Variants in ADCY1 observed in about 807,000 individuals in gnomAD.
The protein encoded by ADCY1 is adenylate cyclase type 1.
ADCY1 carries 28 observed loss-of-function variants against 105.4 expected under a neutral mutation model. The ratio of observed to expected loss-of-function variants is 0.27; its 90% CI spans 0.20 to 0.36. The LOEUF (loss-of-function observed/expected upper bound fraction) is 0.36, where lower values mean the gene tolerates loss of function less well. Among genes scored for constraint, ADCY1 ranks in the 10% least tolerant of loss-of-function variants. ADCY1 has a pLI of 1.00. For missense variants in ADCY1, 977 were observed against 1,434.2 expected, an observed-to-expected ratio of 0.68 and a Z score of 5.15; for synonymous variants, 655 against 623.8, an observed-to-expected ratio of 1.05 and a Z score of -0.75.
chr7:45,663,797 T>C (rs1336671157), intron 8 of ADCY1, among the ~76,000 whole-genome samples: 1 of 151,298 alleles, frequency 6.6e-6, no homozygotes, highest in Admixed American at 6.6e-5. Context: ...CCAGCCTGGA[T>C]GGCAGAGTGA....
chr7:45,679,692 T>C lies in ADCY1; in HGVS notation c.1899-17T>C, dbSNP rs950555737. ...AATCCCCACCTATCAGTGACTCTCA[T>C]GTTTTCTGTCCCCCAGGAGTGTGGT... On this transcript the variant is annotated splice_polypyrimidine_tract_variant and intron_variant, in intron 10 of 19. Coordinates refer to ENST00000297323, the MANE Select transcript of ADCY1 (RefSeq NM_021116.4). The C allele has an allele frequency of 7.4e-6, 12 of 1,613,904 alleles. No individual in the cohort carries two copies. The African/African-American group carries it at 1.3e-4, about 18-fold the overall frequency.
intron 6 of ADCY1, 25 bp downstream of exon 6, chr7:45,657,910 G>A: frequency 6.4e-7 from 1 of 1,557,006 alleles, no homozygotes; most frequent in Non-Finnish European, 8.8e-7. Flanking sequence ...GGGTGGGGAG[G>A]GGAGGGAGGT....
In ADCY1 at chr7:45,575,324, TC is replaced by T; in HGVS notation, c.639+144del. The T allele has an allele frequency of 9.1e-7, 1 of 1,104,722 alleles. No individual in the cohort carries two copies. Among genetic ancestry groups the T allele is most frequent in the Non-Finnish European group, 1.2e-6 (1 of 800,494 alleles). 68.4% of individuals were successfully genotyped at this position (1,104,722 alleles called of 1,614,324 possible). On this transcript the variant is annotated intron_variant, in intron 1 of 19. Transcript: ENST00000297323. This position sits in a 1 kb window ranked among gnomAD's most constrained non-coding sequence, Gnocchi z 4.7. ...CGAGTGGGGGTGTGTTCAAGGTCAC[TC>T]CTACGAGTTGGGGACGCAGTCGGGG... is the stretch of plus-strand genomic sequence containing the variant.
In ADCY1 at chr7:45,687,964, G is replaced by A. The variant is rs536522437; in HGVS notation, c.2454+1291G>A. Among the ~76,000 whole-genome samples, 32 of 152,346 alleles carry A rather than the reference G, an allele frequency of 2.1e-4. No individual in the cohort carries two copies. In the South Asian group the frequency reaches 6.2e-3, roughly 30 times the overall value. ...ACCAGACAGGCACAGCCCAGAGGGTGCCCAGGAGGAAGCGTGGCCAGGACC... is the reference window on the plus strand; with the variant it reads ...ACCAGACAGGCACAGCCCAGAGGGTACCCAGGAGGAAGCGTGGCCAGGACC... On this transcript the variant is annotated intron_variant, in intron 14 of 19. Transcript: ENST00000297323.
chr7:45,619,039 A>G (rs934370654), intron 3 of ADCY1, among the ~76,000 whole-genome samples: 2 of 152,228 alleles, frequency 1.3e-5, no homozygotes, highest in East Asian at 1.9e-4. Context: ...GCATTAAAAA[A>G]TGAAATTCTG....
rs1711759220 is a variant in ADCY1 at position 45,613,629 on chromosome 7, C to T, written c.908+3132C>T. On this transcript the variant is annotated intron_variant, in intron 3 of 19. Transcript: ENST00000297323. ...ATGTATACACACAATGAAAATTTCC[C>T]AAATCTGGTTAAAGAAATGGACATC... Among the ~76,000 whole-genome samples the T allele has an allele frequency of 2.0e-5, 3 of 151,814 alleles. No homozygotes were observed. The South Asian group carries it at 6.3e-4, about 32-fold the overall frequency.
At chr7:45,597,198 G>C (rs1793100105) in intron 2 of ADCY1, among the ~76,000 whole-genome samples, 1 of 152,222 alleles carries the variant, frequency 6.6e-6, no homozygotes. Flanking sequence ...TGTCCCAGCT[G>C]AACCAGTTTT....
chr7:45,703,457 G>A lies in ADCY1; in HGVS notation c.2536G>A (p.Ala846Thr), dbSNP rs1338700641. ...CTTCAACCTCCTGCCGGCCCACGTC[G>A]CCCAGCACTTCCTCATGTCCAACCC... ...ILFNLLPAHVAQHFLMSNPRN... is the reference protein window; with the variant it reads ...ILFNLLPAHVTQHFLMSNPRN... Residue 846 changes from alanine to threonine, a missense_variant, in exon 15 of 20, where the codon GCC (alanine) becomes ACC (threonine). Ala to Thr is a moderately conservative substitution (Grantham distance 58). Transcript: ENST00000297323. This position sits in a 1 kb window ranked among gnomAD's most constrained non-coding sequence, Gnocchi z 5.9. The A allele has an allele frequency of 1.9e-6, 3 of 1,614,060 alleles. No homozygotes were observed. Among genetic ancestry groups the A allele is most frequent in the African/African-American group, 1.3e-5 (1 of 74,998 alleles).
chr7:45,651,845 C>T (rs1794820377), intron 5 of ADCY1, among the ~76,000 whole-genome samples: 1 of 152,186 alleles, frequency 6.6e-6, no homozygotes, highest in Non-Finnish European at 1.5e-5. Flanking sequence ...CTTTCCAAGG[C>T]CCACAGAGAG....
At position 45,703,337 on chromosome 7, in the gene ADCY1, G is replaced by T. The variant is rs773800830; in HGVS notation, c.2455-39G>T. On this transcript the variant is annotated intron_variant, in intron 14 of 19. Coordinates refer to ENST00000297323, the MANE Select transcript of ADCY1 (RefSeq NM_021116.4). This position sits in a 1 kb window ranked among gnomAD's most constrained non-coding sequence, Gnocchi z 5.9. ...TGCGGTGGGAACAAGTGAAGGCAGC[G>T]TGAGTGGATGGGACTAATGGAGGCT... 6.3e-6 allele frequency: 10 copies of T among 1,590,240 alleles called. No individual in the cohort carries two copies. The highest frequency in any genetic ancestry group is 1.8e-4 in the Middle Eastern group (1 of 5,648).
rs1240381144 is a variant in ADCY1, at chr7:45,713,926, C to G, written c.3291C>G (p.Val1097=). 3 of 780,398 alleles carry G rather than the reference C, an allele frequency of 3.8e-6. No homozygotes were observed. Among genetic ancestry groups the G allele is most frequent in the Non-Finnish European group, 7.2e-6 (3 of 418,142 alleles). 48.3% of individuals were successfully genotyped at this position (780,398 alleles called of 1,614,324 possible). A position where few individuals can be genotyped will look rare whatever the true frequency, so the allele number is the denominator to read the frequency against. The part of the protein sequence containing the change: ...PPVCPMPGVS[V]RAGLPPHSPG... ...TGTGCCCCATGCCTGGCGTCTCAGTCAGGGCTGGGCTCCCTCCACACTCCC... is the reference window on the plus strand; with the variant it reads ...TGTGCCCCATGCCTGGCGTCTCAGTGAGGGCTGGGCTCCCTCCACACTCCC... Residue 1097 remains valine (V), a synonymous_variant, in exon 20 of 20, where the codon GTC becomes GTG. Transcript: ENST00000297323.
intron 1 of ADCY1, 114 bp from the exon 2 acceptor site, chr7:45,592,644 TG>T: frequency 7.0e-7 from 1 of 1,437,234 alleles, no homozygotes; most frequent in Non-Finnish European, 9.5e-7. Flanking sequence ...GCTGTGGGTT[TG>T]GCCCGGGCGG....
chr7:45,610,272 G>A lies in ADCY1; in HGVS notation c.790-107G>A, dbSNP rs1793497060. On this transcript the variant is annotated intron_variant, in intron 2 of 19. Coordinates refer to ENST00000297323, the MANE Select transcript of ADCY1 (RefSeq NM_021116.4). ...AGTGGCAGTCCAGCCCTGGACGTGG[G>A]CCTACCCAGGCTCAGGGGCCCGGCG... The A allele has an allele frequency of 5.2e-6, 5 of 953,162 alleles. No individual in the cohort carries two copies. In the Admixed American group the frequency reaches 6.2e-5, roughly 12 times the overall value. The allele number at this position is 953,162 out of a possible 1,614,324, so 59.0% of individuals were successfully genotyped here.
chr7:45,640,261 G>T (rs1794499191), intron 4 of ADCY1, among the ~76,000 whole-genome samples: 1 of 152,164 alleles, frequency 6.6e-6, no homozygotes, highest in African/African-American at 2.4e-5. Context: ...CATTTGCAGG[G>T]TGCCAAGCAA....
Position 45,708,850 on chromosome 7 carries a change from G to C in ADCY1, c.2932+386G>C, listed in dbSNP as rs1248244866. 6.6e-6 allele frequency among the ~76,000 whole-genome samples: 1 copy of C among 152,198 alleles called. No individual in the cohort carries two copies. Among genetic ancestry groups the C allele is most frequent in the Non-Finnish European group, 1.5e-5 (1 of 68,032 alleles). Reference sequence around the variant, plus strand: ...AGGAGGCCTTGACGGGAGCCCCACTGTGCGGACTCCAGCCGCCCTGTGTCT... The same window carrying C: ...AGGAGGCCTTGACGGGAGCCCCACTCTGCGGACTCCAGCCGCCCTGTGTCT... On this transcript the variant is annotated intron_variant, in intron 18 of 19. Transcript: ENST00000297323. This position sits in a 1 kb window ranked among gnomAD's most constrained non-coding sequence, Gnocchi z 4.7.
intron 5 of ADCY1, among the ~76,000 whole-genome samples, chr7:45,654,640 G>A (rs937529272): frequency 2.6e-5 from 4 of 152,174 alleles, no homozygotes; most frequent in Non-Finnish European, 2.9e-5. Context: ...GTTTCTCAGC[G>A]CAGAGAAACT....
chr7:45,625,770 T>C (rs1794043470), intron 4 of ADCY1, among the ~76,000 whole-genome samples: 1 of 152,238 alleles, frequency 6.6e-6, no homozygotes, highest in South Asian at 2.1e-4. Context: ...GAACATTCTC[T>C]TGGAGACCTT....
At chr7:45,702,315 C>T (rs969720611) in intron 14 of ADCY1, among the ~76,000 whole-genome samples, 3 of 152,182 alleles carry the variant, frequency 2.0e-5, no homozygotes, top group Admixed American at 6.5e-5. Context: ...TGTGTTACAC[C>T]CATTTTACAA....
chr7:45,683,438 G>A (rs1784600962), intron 11 of ADCY1, among the ~76,000 whole-genome samples: 1 of 152,044 alleles, frequency 6.6e-6, no homozygotes, highest in Non-Finnish European at 1.5e-5. Flanking sequence ...GTCCCTCAGG[G>A]CTGTGTCATT....
Sources: allele counts gnomAD v4.1 joint callset (sites outside exome capture counted in the v4.1 genomes callset), GRCh38; gene constraint gnomAD v4.1.1; non-coding constraint Gnocchi (gnomAD v3.1); transcripts MANE v1.5; gene names NCBI Gene and HGNC (gene_info 2026-07-23, HGNC 2026-07-21).